Variants in ITGA9 observed in about 807,000 individuals in gnomAD.
The protein encoded by ITGA9 is integrin alpha-9.
In ITGA9, 56 loss-of-function variants were observed where a neutral mutation model predicts 127.8. The ratio of observed to expected loss-of-function variants is 0.44; its 90% CI spans 0.35 to 0.55. The LOEUF (loss-of-function observed/expected upper bound fraction) is 0.55. Among genes scored for constraint, ITGA9 ranks in the 20% least tolerant of loss-of-function variants. The pLI is 0.00. For missense variants in ITGA9, 1,196 were observed against 1,347.1 expected (o/e 0.89, Z 1.76); for synonymous variants, 508 against 514.5 (o/e 0.99, Z 0.17).
intron 18 of ITGA9, among the ~76,000 whole-genome samples, chr3:37,721,027 A>T (rs1445888618): frequency 1.3e-5 from 2 of 150,470 alleles, no homozygotes; most frequent in African/African-American, 2.5e-5. Context: ...TGATCACATA[A>T]TTGCTTCTGA....
At position 37,769,144 on chromosome 3, in the gene ITGA9, G is replaced by C. The variant is rs372387640; in HGVS notation, c.2542-8248G>C. On this transcript the variant is annotated intron_variant, in intron 23 of 27. Coordinates refer to ENST00000264741, the MANE Select transcript of ITGA9 (RefSeq NM_002207.3). Reference sequence around the variant, plus strand: ...ATCTGAGGTCAGGAGTTTGAGACCAGCCTGACCAACATGGTGAAACCCCAT... The same window carrying C: ...ATCTGAGGTCAGGAGTTTGAGACCACCCTGACCAACATGGTGAAACCCCAT... Among the ~76,000 whole-genome samples, 7 of 152,036 alleles carry C rather than the reference G, an allele frequency of 4.6e-5. No homozygotes were observed. In the East Asian group the frequency reaches 1.4e-3, roughly 29 times the overall value.
intron 18 of ITGA9, among the ~76,000 whole-genome samples, chr3:37,728,674 G>A (rs1482051427): frequency 2.0e-5 from 3 of 151,810 alleles, no homozygotes; most frequent in East Asian, 3.9e-4. Context: ...TCATAAACAC[G>A]TGAGCTTTCT....
intron 17 of ITGA9, among the ~76,000 whole-genome samples, chr3:37,657,786 G>A (rs757596299): frequency 8.6e-5 from 13 of 151,972 alleles, no homozygotes; most frequent in Non-Finnish European, 1.5e-4. Flanking sequence ...TATGAAGTTA[G>A]GGTGTCAATT....
At chr3:37,494,407 G>A (rs1212586451) in intron 4 of ITGA9, 94 bp from the exon 5 acceptor site, 15 of 883,506 alleles carry the variant, frequency 1.7e-5, no homozygotes, top group Non-Finnish European at 2.2e-5. Context: ...CGCGGCACTC[G>A]TGGGAAGTGG....
intron 18 of ITGA9, among the ~76,000 whole-genome samples, chr3:37,707,980 G>A (rs111796376): frequency 1.3e-5 from 2 of 152,152 alleles, no homozygotes; most frequent in African/African-American, 2.4e-5. Context: ...GCTCAAAGGT[G>A]TTCCCATTTG....
chr3:37,471,688 G>A (rs1000410320), intron 2 of ITGA9, among the ~76,000 whole-genome samples: 1 of 152,208 alleles, frequency 6.6e-6, no homozygotes, highest in African/African-American at 2.4e-5. Context: ...GTGTGAGTGG[G>A]GAGGCCACTG....
At chr3:37,521,060 C>T (rs985664813) in intron 11 of ITGA9, among the ~76,000 whole-genome samples, 1 of 152,140 alleles carries the variant, frequency 6.6e-6, no homozygotes, top group Non-Finnish European at 1.5e-5. Context: ...ACCAGCCTGC[C>T]TTTGTCAGCA....
At chr3:37,779,296 G>C (rs1696947015) in intron 24 of ITGA9, among the ~76,000 whole-genome samples, 1 of 151,984 alleles carries the variant, frequency 6.6e-6, no homozygotes, top group Non-Finnish European at 1.5e-5. Context: ...GTAGAGACAG[G>C]GTTTCACCAT....
At chr3:37,747,949 C>T (rs1696525738) in intron 22 of ITGA9, among the ~76,000 whole-genome samples, 1 of 152,022 alleles carries the variant, frequency 6.6e-6, no homozygotes, top group Non-Finnish European at 1.5e-5. Context: ...ACCACGTTGC[C>T]CAGCTGGTCT....
At chr3:37,642,486 G>A (rs1488279030) in intron 16 of ITGA9, among the ~76,000 whole-genome samples, 1 of 152,128 alleles carries the variant, frequency 6.6e-6, no homozygotes, top group Non-Finnish European at 1.5e-5. Context: ...GCAAAAATTG[G>A]GCATCATATC....
At chr3:37,652,142 G>T (rs1700435207) in intron 16 of ITGA9, among the ~76,000 whole-genome samples, 1 of 151,780 alleles carries the variant, frequency 6.6e-6, no homozygotes, top group Non-Finnish European at 1.5e-5. Flanking sequence ...AAAAAAAGGT[G>T]AAATTATGAA....
chr3:37,452,484 C>G lies in ITGA9; in HGVS notation c.110C>G (p.Pro37Arg), dbSNP rs1221336449. 2 of 1,516,142 alleles carry G rather than the reference C, an allele frequency of 1.3e-6. No homozygotes were observed. The highest frequency in any genetic ancestry group is 4.2e-5 in the Admixed American group (2 of 47,782). 93.9% of individuals were successfully genotyped at this position (1,516,142 alleles called of 1,614,324 possible). The change falls in exon 1 of 28, where the codon CCC becomes CGC. Residue 37 changes from proline to arginine, a missense_variant. Pro to Arg is a moderately radical substitution (Grantham distance 103, BLOSUM62 -2). Transcript: ENST00000264741. The surrounding 1 kb of genome is among the most constrained non-coding windows in gnomAD (Gnocchi z 7.3). ...GCCTACAACCTCGACCCGCAGCGCCCCGTGCACTTCCAGGGCCCCGCTGAC... is the reference window on the plus strand; with the variant it reads ...GCCTACAACCTCGACCCGCAGCGCCGCGTGCACTTCCAGGGCCCCGCTGAC... ...AGAYNLDPQR[P>R]VHFQGPADSF...
intron 16 of ITGA9, among the ~76,000 whole-genome samples, chr3:37,639,006 G>A (rs77543262): frequency 0.012 from 1,765 of 152,310 alleles, 45 homozygotes; most frequent in African/African-American, 0.041. Flanking sequence ...TGAGTGAATA[G>A]TGGGATTGCT....
chr3:37,733,102 A>T (rs1696317164), intron 19 of ITGA9: 2 of 393,896 alleles, frequency 5.1e-6, no homozygotes, highest in African/African-American at 2.1e-5. Context: ...TTCCTAAAAT[A>T]ATTTTTTTTC....
chr3:37,485,603 G>T (rs974230531), intron 4 of ITGA9, among the ~76,000 whole-genome samples: 1 of 152,184 alleles, frequency 6.6e-6, no homozygotes, highest in Non-Finnish European at 1.5e-5. Flanking sequence ...ATATGGGCCA[G>T]CTGTGCTCCT....
At chr3:37,776,554 G>C (rs1575232685) in intron 23 of ITGA9, among the ~76,000 whole-genome samples, 1 of 152,214 alleles carries the variant, frequency 6.6e-6, no homozygotes, top group Admixed American at 6.5e-5. Flanking sequence ...CCAGCCTTCA[G>C]CTACAACCAG....
chr3:37,470,168 A>G (rs1416730673), intron 1 of ITGA9, among the ~76,000 whole-genome samples: 3 of 139,228 alleles, frequency 2.2e-5, no homozygotes, highest in Non-Finnish European at 4.6e-5. Flanking sequence ...GATATTACAT[A>G]TGCAGCTTTG....
At chr3:37,500,714 G>A (rs966701614) in intron 5 of ITGA9, among the ~76,000 whole-genome samples, 1 of 152,208 alleles carries the variant, frequency 6.6e-6, no homozygotes, top group African/African-American at 2.4e-5. Flanking sequence ...ACTTGTCAGA[G>A]CCAGCAGCTT....
At chr3:37,582,537 T>C (rs548439265) in intron 15 of ITGA9, among the ~76,000 whole-genome samples, 1 of 152,334 alleles carries the variant, frequency 6.6e-6, no homozygotes, top group Admixed American at 6.5e-5. Context: ...TTTGTTTTTC[T>C]CAGTAGAGTA....
Sources: allele counts gnomAD v4.1 joint callset (sites outside exome capture counted in the v4.1 genomes callset), GRCh38; gene constraint gnomAD v4.1.1; non-coding constraint Gnocchi (gnomAD v3.1); transcripts MANE v1.5; gene names NCBI Gene and HGNC (gene_info 2026-07-23, HGNC 2026-07-21).